PTPRD: variants seen among roughly 807,000 people sequenced by gnomAD.
PTPRD encodes protein tyrosine phosphatase receptor type D, also known as receptor-type tyrosine-protein phosphatase delta.
Under a neutral mutation model 214.5 loss-of-function variants are expected in PTPRD, and 34 were observed. The observed-to-expected ratio is 0.16, with a 90% CI of 0.12 to 0.21. PTPRD has a LOEUF of 0.21. Ranked by LOEUF, PTPRD falls within the 10% of genes least tolerant of loss-of-function variation. The pLI is 1.00. For missense variants in PTPRD, 2,545 were observed against 2,398.7 expected (o/e 1.06, Z -1.27); for synonymous variants, 1,128 against 845.7 (o/e 1.33, Z -5.79).
At chr9:8,510,952 T>C (rs1404819462) in intron 21 of PTPRD, among the ~76,000 whole-genome samples, 1 of 152,222 alleles carries the variant, frequency 6.6e-6, no homozygotes, top group African/African-American at 2.4e-5. Flanking sequence ...ATTGAATTTT[T>C]ATACCAAATA....
At chr9:8,647,146 A>G (rs2096712357) in intron 12 of PTPRD, among the ~76,000 whole-genome samples, 1 of 152,220 alleles carries the variant, frequency 6.6e-6, no homozygotes, top group Non-Finnish European at 1.5e-5. Flanking sequence ...TGAAGTTTAG[A>G]TGAAGCATAA....
At chr9:8,549,248 T>G (rs1242865809) in intron 14 of PTPRD, among the ~76,000 whole-genome samples, 5 of 152,154 alleles carry the variant, frequency 3.3e-5, no homozygotes, top group African/African-American at 7.2e-5. Context: ...GGAGTATTCA[T>G]TTTACTTAAG....
intron 4 of PTPRD, among the ~76,000 whole-genome samples, chr9:9,987,159 C>A (rs1387249170): frequency 6.6e-6 from 1 of 152,092 alleles, no homozygotes; most frequent in African/African-American, 2.4e-5. Context: ...CAACCAACAA[C>A]CTTTTCTCTG....
intron 5 of PTPRD, among the ~76,000 whole-genome samples, chr9:9,928,755 T>TACACACAC (rs545488105): frequency 0.04 from 4,437 of 109,562 alleles, 213 homozygotes; most frequent in African/African-American, 0.15. Flanking sequence ...TCTCTCTCTC[T>TACACACAC]ATACACACAC....
intron 5 of PTPRD, among the ~76,000 whole-genome samples, chr9:9,886,010 A>C (rs933640268): frequency 2.0e-5 from 3 of 152,066 alleles, no homozygotes; most frequent in Admixed American, 2.0e-4. Flanking sequence ...TCAAAGTTAA[A>C]ATGAAAAGGA....
At chr9:9,173,749 T>C (rs1224291809) in intron 10 of PTPRD, among the ~76,000 whole-genome samples, 3 of 152,138 alleles carry the variant, frequency 2.0e-5, no homozygotes, top group Admixed American at 2.0e-4. Context: ...CATGGACCAT[T>C]GTTACACAAA....
intron 2 of PTPRD, among the ~76,000 whole-genome samples, chr9:10,485,246 T>C (rs144230474): frequency 0.018 from 2,665 of 152,204 alleles, 42 homozygotes; most frequent in South Asian, 0.036. Context: ...GCCAGTGCCA[T>C]GATGTTTAGG....
intron 33 of PTPRD, among the ~76,000 whole-genome samples, chr9:8,459,359 T>A (rs950183867): frequency 2.6e-5 from 4 of 152,018 alleles, no homozygotes; most frequent in African/African-American, 9.7e-5. Context: ...CATTTCAAAA[T>A]ATAACACACC....
intron 9 of PTPRD, among the ~76,000 whole-genome samples, chr9:9,329,870 T>A (rs10977667): frequency 1.3e-5 from 2 of 152,104 alleles, no homozygotes; most frequent in African/African-American, 2.4e-5. Context: ...CAATCATTCA[T>A]GTTCTACATA....
chr9:10,550,031 C>G (rs890952009), intron 2 of PTPRD, among the ~76,000 whole-genome samples: 7 of 151,998 alleles, frequency 4.6e-5, no homozygotes, highest in African/African-American at 1.7e-4. Context: ...AGGTTGGATC[C>G]CATCAGTGAC....
intron 5 of PTPRD, among the ~76,000 whole-genome samples, chr9:9,787,066 A>T (rs987748689): frequency 6.6e-6 from 1 of 151,990 alleles, no homozygotes; most frequent in African/African-American, 2.4e-5. Flanking sequence ...GAACCCGGGC[A>T]GCGGAGGTTG....
At chr9:8,508,720 C>T (rs2097592690) in intron 21 of PTPRD, among the ~76,000 whole-genome samples, 1 of 151,960 alleles carries the variant, frequency 6.6e-6, no homozygotes, top group African/African-American at 2.4e-5. Flanking sequence ...CAAAAGAAGC[C>T]TTTGGAGAAA....
intron 9 of PTPRD, among the ~76,000 whole-genome samples, chr9:9,229,602 C>A (rs960914693): frequency 3.3e-5 from 5 of 152,172 alleles, no homozygotes; most frequent in African/African-American, 1.2e-4. Flanking sequence ...GACAAATACT[C>A]GGGTTTACTC....
chr9:9,523,671 A>G (rs571376322), intron 8 of PTPRD, among the ~76,000 whole-genome samples: 2 of 152,068 alleles, frequency 1.3e-5, no homozygotes, highest in Non-Finnish European at 2.9e-5. Flanking sequence ...CGACTCATTT[A>G]CTTGAGGCAC....
intron 9 of PTPRD, among the ~76,000 whole-genome samples, chr9:9,350,781 A>G (rs958044307): frequency 9.9e-5 from 15 of 152,102 alleles, no homozygotes; most frequent in African/African-American, 3.4e-4. Context: ...AATATAAATT[A>G]AACAGACATT....
intron 8 of PTPRD, among the ~76,000 whole-genome samples, chr9:9,404,602 C>CA (rs2072485323): frequency 6.6e-6 from 1 of 152,082 alleles, no homozygotes; most frequent in Non-Finnish European, 1.5e-5. Context: ...AGCGTCAACA[C>CA]ACATTTTAGC....
intron 10 of PTPRD, among the ~76,000 whole-genome samples, chr9:9,137,601 T>C (rs1334405337): frequency 6.6e-6 from 1 of 152,164 alleles, no homozygotes; most frequent in Non-Finnish European, 1.5e-5. Context: ...CTTTATGAAA[T>C]GTGTTGAACA....
intron 2 of PTPRD, among the ~76,000 whole-genome samples, chr9:10,468,506 G>T (rs557244547): frequency 1.3e-5 from 2 of 152,264 alleles, no homozygotes; most frequent in African/African-American, 4.8e-5. Context: ...TGGGCAGTAG[G>T]GGGCCAGGGG....
intron 2 of PTPRD, among the ~76,000 whole-genome samples, chr9:10,554,796 G>A (rs1009467663): frequency 1.3e-5 from 2 of 152,090 alleles, no homozygotes; most frequent in Non-Finnish European, 2.9e-5. Flanking sequence ...GAGTAGCTGG[G>A]ACTACAGGCG....
Sources: allele counts gnomAD v4.1 joint callset (sites outside exome capture counted in the v4.1 genomes callset), GRCh38; gene constraint gnomAD v4.1.1; transcripts MANE v1.5; gene names NCBI Gene and HGNC (gene_info 2026-07-23, HGNC 2026-07-21).